COL23A1: variants seen among roughly 807,000 people sequenced by gnomAD.
COL23A1 encodes collagen alpha-1(XXIII) chain.
In COL23A1, 97 loss-of-function variants were observed where a neutral mutation model predicts 99.3. The ratio of observed to expected loss-of-function variants is 0.98; its 90% CI spans 0.83 to 1.16. The LOEUF (loss-of-function observed/expected upper bound fraction) is 1.16, where lower values mean the gene tolerates loss of function less well. COL23A1 is among the 50% of genes most tolerant of loss of function. The probability of loss-of-function intolerance (pLI) is 0.00; values close to 1 mark genes in which losing one functional copy is unlikely to be tolerated. For synonymous variants in COL23A1, 320 were observed against 308.2 expected (o/e 1.04, Z -0.40); for missense variants, 762 against 757.4 (o/e 1.01, Z -0.07).
intron 2 of COL23A1, among the ~76,000 whole-genome samples, chr5:178,356,944 T>TA (rs1296211399): frequency 2.6e-5 from 4 of 151,940 alleles, no homozygotes; most frequent in South Asian, 2.1e-4. Context: ...AGATGCTGCA[T>TA]AAAAAAAAGT....
At position 178,302,482 on chromosome 5, in the gene COL23A1, T is replaced by TGTGTGTGTG. The variant is rs1242726680; in HGVS notation, c.406+4392_406+4393insCACACACAC. Among the ~76,000 whole-genome samples the TGTGTGTGTG allele has an allele frequency of 8.5e-4, 129 of 152,244 alleles. 15 individuals are homozygous for TGTGTGTGTG. The highest frequency in any genetic ancestry group is 3.4e-3 in the Middle Eastern group (1 of 294). Reference sequence around the variant, plus strand: ...CGGAGCACGGCTTCAATGCTGCACCTCTGTGTGTGCTGGAGCACGGCTTCG... The same window carrying TGTGTGTGTG: ...CGGAGCACGGCTTCAATGCTGCACCTGTGTGTGTGCTGTGTGTGCTGGAGCACGGCTTCG... On this transcript the variant is annotated intron_variant, in intron 3 of 28. Transcript: ENST00000390654.
At chr5:178,269,425 ATCCACCCACCCAC>A (rs1227135547) in intron 6 of COL23A1, among the ~76,000 whole-genome samples, 22 of 99,128 alleles carry the variant, frequency 2.2e-4, no homozygotes, top group African/African-American at 6.9e-4. Flanking sequence ...CCACCCGTCC[ATCCACCCACCCAC>A]CCATCCACCC....
chr5:178,360,435 A>T (rs140781623), intron 2 of COL23A1, among the ~76,000 whole-genome samples: 1 of 152,334 alleles, frequency 6.6e-6, no homozygotes, highest in African/African-American at 2.4e-5. Flanking sequence ...CTGCCATGGG[A>T]ACCGCATGCT....
At chr5:178,332,101 G>C (rs529700211) in intron 2 of COL23A1, among the ~76,000 whole-genome samples, 29 of 152,322 alleles carry the variant, frequency 1.9e-4, no homozygotes, top group Middle Eastern at 3.4e-3. Flanking sequence ...GACTACCCCA[G>C]GGTGCAAAGT....
chr5:178,346,915 G>A (rs927968959), intron 2 of COL23A1, among the ~76,000 whole-genome samples: 1 of 152,194 alleles, frequency 6.6e-6, no homozygotes, highest in Non-Finnish European at 1.5e-5. Flanking sequence ...GGGTTGGCCT[G>A]GGAGGCTGAT....
rs905181387 is a variant in COL23A1, at chr5:178,337,629, G to A, written c.362-30710C>T. Among the ~76,000 whole-genome samples, 8 of 152,138 alleles carry A rather than the reference G, an allele frequency of 5.3e-5. No homozygotes were observed. In the South Asian group the frequency reaches 1.0e-3, roughly 20 times the overall value. ...GCTCTGCCGGGCTGGGGGAGGCGCT[G>A]TAGAGGGGGCAGGAGGTTGGGGACA... On this transcript the variant is annotated intron_variant, in intron 2 of 28. Coordinates refer to ENST00000390654, the MANE Select transcript of COL23A1 (RefSeq NM_173465.4).
intron 2 of COL23A1, among the ~76,000 whole-genome samples, chr5:178,547,499 CCA>C (rs1438079526): frequency 7.0e-5 from 6 of 85,692 alleles, no homozygotes; most frequent in Non-Finnish European, 1.3e-4. Flanking sequence ...CCACACATCC[CCA>C]TACACACCCC....
intron 2 of COL23A1, among the ~76,000 whole-genome samples, chr5:178,505,420 C>A (rs777150437): frequency 6.6e-6 from 1 of 151,920 alleles, no homozygotes; most frequent in Non-Finnish European, 1.5e-5. Flanking sequence ...CAGCTAATTT[C>A]TTTATATTTT....
intron 3 of COL23A1, among the ~76,000 whole-genome samples, chr5:178,292,053 G>A (rs911120671): frequency 1.3e-5 from 2 of 152,116 alleles, no homozygotes; most frequent in Admixed American, 1.3e-4. Flanking sequence ...TCCAACACCA[G>A]TTGTATACAT....
chr5:178,425,912 G>A (rs1229223779), intron 2 of COL23A1, among the ~76,000 whole-genome samples: 1 of 152,226 alleles, frequency 6.6e-6, no homozygotes, highest in Non-Finnish European at 1.5e-5. Flanking sequence ...GAGGGCTGGG[G>A]GCCAGCCGCT....
intron 2 of COL23A1, among the ~76,000 whole-genome samples, chr5:178,482,676 G>A (rs570957065): frequency 2.6e-5 from 4 of 152,270 alleles, no homozygotes. Context: ...GGCAGATCAC[G>A]AGGTCAGGAG....
At chr5:178,457,261 T>C (rs905721135) in intron 2 of COL23A1, among the ~76,000 whole-genome samples, 33 of 152,352 alleles carry the variant, frequency 2.2e-4, no homozygotes, top group African/African-American at 7.5e-4. Context: ...TCGCCCAGGC[T>C]GGAGTGCAGT....
intron 3 of COL23A1, among the ~76,000 whole-genome samples, chr5:178,304,715 C>T (rs1235788968): frequency 6.6e-6 from 1 of 152,084 alleles, no homozygotes; most frequent in Non-Finnish European, 1.5e-5. Flanking sequence ...GGCAGACAAT[C>T]GGGACACCAC....
At chr5:178,268,706 T>C in intron 7 of COL23A1, 24 bp downstream of exon 7, 7 of 1,600,642 alleles carry the variant, frequency 4.4e-6, no homozygotes, top group Non-Finnish European at 6.0e-6. Context: ...CTACCACATC[T>C]GCACAGCCTC....
intron 2 of COL23A1, among the ~76,000 whole-genome samples, chr5:178,470,684 T>C (rs1340412187): frequency 6.6e-6 from 1 of 152,236 alleles, no homozygotes; most frequent in African/African-American, 2.4e-5. Context: ...GCATCCTGCC[T>C]GCTGGGCTGG....
chr5:178,377,115 G>C (rs1763110550), intron 2 of COL23A1, among the ~76,000 whole-genome samples: 1 of 152,214 alleles, frequency 6.6e-6, no homozygotes, highest in Non-Finnish European at 1.5e-5. Context: ...AGATTGATGG[G>C]ACTACGCGGG....
In COL23A1 at chr5:178,280,761, C is replaced by G. The variant is rs998770456; in HGVS notation, c.441+7563G>C. On this transcript the variant is annotated intron_variant, in intron 5 of 28. Coordinates refer to ENST00000390654, the MANE Select transcript of COL23A1 (RefSeq NM_173465.4). The surrounding 1 kb of genome is among the most constrained non-coding windows in gnomAD (Gnocchi z 4.9). Reference sequence around the variant, plus strand: ...CAGGACCAACCCCCTCTGCTGGGCCCCCTACACTGCTGTCCCTGCTAAGTC... The same window carrying G: ...CAGGACCAACCCCCTCTGCTGGGCCGCCTACACTGCTGTCCCTGCTAAGTC... Among the ~76,000 whole-genome samples, 1 of 152,124 alleles carries G rather than the reference C, an allele frequency of 6.6e-6. No individual in the cohort carries two copies. Among genetic ancestry groups the G allele is most frequent in the African/African-American group, 2.4e-5 (1 of 41,408 alleles).
In COL23A1 at chr5:178,247,572, A is replaced by G. The variant is rs748519330; in HGVS notation, c.1270-20T>C. The G allele has an allele frequency of 9.3e-6, 15 of 1,613,902 alleles. No homozygotes were observed. The South Asian group carries it at 1.1e-4, about 12-fold the overall frequency. On this transcript the variant is annotated intron_variant, in intron 21 of 28. Transcript: ENST00000390654. The stretch of plus-strand genomic sequence containing the variant: ...GAGGCCCTGCAGGAGGAGGAAGCAG[A>G]TAAGAAGGCTGGCTCCGGACCCTCT...
At chr5:178,482,998 A>G (rs1423154938) in intron 2 of COL23A1, among the ~76,000 whole-genome samples, 4 of 152,126 alleles carry the variant, frequency 2.6e-5, no homozygotes, top group Non-Finnish European at 5.9e-5. Flanking sequence ...CTTGAGCCCA[A>G]GAGGCTGAGG....
Sources: gnomAD v4.1 joint callset for allele counts (sites outside exome capture counted in the v4.1 genomes callset) on GRCh38, gnomAD v4.1.1 for gene constraint, Gnocchi (gnomAD v3.1) non-coding constraint, MANE v1.5 for transcripts, NCBI Gene and HGNC (gene_info 2026-07-23, HGNC 2026-07-21) for gene names.